Variants in ARFIP1 observed in about 807,000 individuals in gnomAD.
ARFIP1 encodes the protein arfaptin-1.
In ARFIP1, 24 loss-of-function variants were observed where a neutral mutation model predicts 42.5. The observed-to-expected ratio is 0.57, with a 90% CI of 0.41 to 0.80. The LOEUF (loss-of-function observed/expected upper bound fraction) is 0.80, where lower values mean the gene tolerates loss of function less well. ARFIP1 is among the 30% of genes least tolerant of loss of function. The pLI is 0.00. For synonymous variants in ARFIP1, 141 were observed against 153.7 expected, an observed-to-expected ratio of 0.92 and a Z score of 0.61; for missense variants, 354 against 434.0, an observed-to-expected ratio of 0.82 and a Z score of 1.64.
chr4:152,822,218 A>T (rs1730427214), intron 1 of ARFIP1, among the ~76,000 whole-genome samples: 1 of 149,948 alleles, frequency 6.7e-6, no homozygotes, highest in Non-Finnish European at 1.5e-5. Context: ...ATGGAAAAAG[A>T]TTTCGCACAA....
chr4:152,841,324 G>A (rs763666960), intron 2 of ARFIP1, among the ~76,000 whole-genome samples: 13 of 152,126 alleles, frequency 8.5e-5, no homozygotes, highest in East Asian at 1.9e-4. Context: ...ATGAGCCACC[G>A]TGCCAGGCCA....
In ARFIP1 at chr4:152,819,601, A is replaced by G. The variant is rs557398518; in HGVS notation, c.-9-10024A>G. Among the ~76,000 whole-genome samples, 3 of 152,240 alleles carry G rather than the reference A, an allele frequency of 2.0e-5. No homozygotes were observed. The East Asian group carries it at 5.8e-4, about 29-fold the overall frequency. On this transcript the variant is annotated intron_variant, in intron 1 of 8. Transcript: ENST00000353617. Reference sequence around the variant, plus strand: ...ACAGTATGGGCCCTCAGCGACTGCTACTCCTAGGGGAAGGGAGTGAGTGAG... The same window carrying G: ...ACAGTATGGGCCCTCAGCGACTGCTGCTCCTAGGGGAAGGGAGTGAGTGAG...
At chr4:152,853,992 A>AACCTC (rs1733217068) in intron 2 of ARFIP1, among the ~76,000 whole-genome samples, 1 of 147,580 alleles carries the variant, frequency 6.8e-6, no homozygotes, top group Admixed American at 6.8e-5. Context: ...GGCTCACTGA[A>AACCTC]ACCTCCACCT....
chr4:152,814,355 A>T (rs147314149), intron 1 of ARFIP1, among the ~76,000 whole-genome samples: 1 of 152,002 alleles, frequency 6.6e-6, no homozygotes, highest in African/African-American at 2.4e-5. Context: ...CAGCCTACCA[A>T]AGTGCTGGGA....
Position 152,881,002 on chromosome 4 carries a change from T to A in ARFIP1, c.451T>A (p.Ser151Thr). The A allele has an allele frequency of 6.2e-7, 1 of 1,613,904 alleles. No individual in the cohort carries two copies. Among genetic ancestry groups the A allele is most frequent in the African/African-American group, 1.3e-5 (1 of 75,056 alleles). ...QIISEKLGRG[S>T]RTVDLELEAQ... ...TATCTCTGAGAAGCTAGGCCGTGGC[T>A]CAAGAACTGTGGACCTTGAACTTGA... The change falls in exon 6 of 9, where the codon TCA (serine) becomes ACA (threonine). Residue 151 changes from serine (S) to threonine (T), a missense_variant. Physicochemically the swap from Ser to Thr is moderately conservative, Grantham distance 58. Coordinates refer to ENST00000353617, the MANE Select transcript of ARFIP1 (RefSeq NM_001025595.3).
At position 152,781,245 on chromosome 4, in the gene ARFIP1, T is replaced by G. The variant is rs980336524; in HGVS notation, c.-10+1019T>G. 1.3e-3 allele frequency among the ~76,000 whole-genome samples: 188 copies of G among 147,180 alleles called. 1 individual carries two copies. Among genetic ancestry groups the G allele is most frequent in the African/African-American group, 4.6e-3 (183 of 40,146 alleles). On this transcript the variant is annotated intron_variant, in intron 1 of 8. Coordinates refer to ENST00000353617, the MANE Select transcript of ARFIP1 (RefSeq NM_001025595.3). Reference sequence around the variant, plus strand: ...GCCTTTTCTTTTTTCTTTTTTTTTTTTTTTTTTTGAGACAGAGTCTCACTC... The same window carrying G: ...GCCTTTTCTTTTTTCTTTTTTTTTTGTTTTTTTTGAGACAGAGTCTCACTC...
intron 1 of ARFIP1, among the ~76,000 whole-genome samples, chr4:152,783,369 C>G (rs1730616161): frequency 6.6e-6 from 1 of 152,200 alleles, no homozygotes; most frequent in Non-Finnish European, 1.5e-5. Context: ...AAGGTAATGA[C>G]AAATTCGGAA....
intron 4 of ARFIP1, 99 bp downstream of exon 4, chr4:152,870,947 G>A: frequency 2.1e-6 from 2 of 971,358 alleles, no homozygotes; most frequent in South Asian, 2.0e-5. Flanking sequence ...TCTTAGGTGT[G>A]TGTGATTCTG....
intron 1 of ARFIP1, among the ~76,000 whole-genome samples, chr4:152,819,774 ACAGT>A (rs1243293662): frequency 1.3e-5 from 2 of 152,174 alleles, no homozygotes; most frequent in East Asian, 1.9e-4. Flanking sequence ...CTCTACCTCA[ACAGT>A]CAGGCAGCCC....
chr4:152,866,276 A>G (rs974502825), intron 3 of ARFIP1, among the ~76,000 whole-genome samples: 3 of 152,242 alleles, frequency 2.0e-5, no homozygotes, highest in Non-Finnish European at 4.4e-5. Flanking sequence ...TTCTTTCTAC[A>G]CAGACACAGC....
At chr4:152,896,077 G>T (rs901751482) in intron 8 of ARFIP1, among the ~76,000 whole-genome samples, 8 of 151,982 alleles carry the variant, frequency 5.3e-5, no homozygotes, top group African/African-American at 1.5e-4. Flanking sequence ...GAGGGGCTGG[G>T]GTATCATGGA....
At chr4:152,866,672 C>T (rs1411369054) in intron 3 of ARFIP1, among the ~76,000 whole-genome samples, 1 of 152,008 alleles carries the variant, frequency 6.6e-6, no homozygotes, top group Admixed American at 6.5e-5. Context: ...GGGTGGCTGC[C>T]AGGCGGAGAC....
At chr4:152,888,933 A>G (rs1273983658) in intron 8 of ARFIP1, among the ~76,000 whole-genome samples, 2 of 152,158 alleles carry the variant, frequency 1.3e-5, no homozygotes, top group South Asian at 2.1e-4. Flanking sequence ...ACATATCTCT[A>G]TTACTTGCAT....
chr4:152,910,008 C>T (rs1738705940), intron 8 of ARFIP1, 56 bp from the exon 9 acceptor site: 1 of 1,559,968 alleles, frequency 6.4e-7, no homozygotes, highest in Non-Finnish European at 8.7e-7. Context: ...AAATCACTCT[C>T]TATTTTATTG....
chr4:152,823,726 G>A (rs1030240288), intron 1 of ARFIP1, among the ~76,000 whole-genome samples: 1 of 124,510 alleles, frequency 8.0e-6, no homozygotes, highest in Non-Finnish European at 1.6e-5. Context: ...CCAGTGAGCC[G>A]AGATCACACC....
At position 152,912,147 on chromosome 4, in the gene ARFIP1, A is replaced by AT. The variant is rs1738894741; in HGVS notation, c.*1935dup. On this transcript the variant is annotated 3_prime_UTR_variant, in exon 9 of 9. Coordinates refer to ENST00000353617, the MANE Select transcript of ARFIP1 (RefSeq NM_001025595.3). Reference sequence around the variant, plus strand: ...AGGAGCTAAATAGTTTCATGGATTAATTTTTTTCAGAATAAATTTAAAATA... The same window carrying AT: ...AGGAGCTAAATAGTTTCATGGATTAATTTTTTTTCAGAATAAATTTAAAATA... The AT allele has an allele frequency of 6.6e-6, 1 of 152,080 alleles. No individual in the cohort carries two copies. Among genetic ancestry groups the AT allele is most frequent in the Admixed American group, 6.5e-5 (1 of 15,272 alleles). 9.4% of individuals were successfully genotyped at this position (152,080 alleles called of 1,614,324 possible).
chr4:152,889,539 C>CTATATATATATATATA (rs1736564759), intron 8 of ARFIP1, among the ~76,000 whole-genome samples: 1 of 55,884 alleles, frequency 1.8e-5, no homozygotes, highest in Non-Finnish European at 3.8e-5. Flanking sequence ...ATATATACAC[C>CTATATATATATATATA]TATTTTTGTG....
At chr4:152,907,091 T>C (rs1738422911) in intron 8 of ARFIP1, among the ~76,000 whole-genome samples, 1 of 152,212 alleles carries the variant, frequency 6.6e-6, no homozygotes, top group Non-Finnish European at 1.5e-5. Flanking sequence ...GATGTTTCTC[T>C]TTCTTCCCTC....
chr4:152,902,913 A>T (rs1453482843), intron 8 of ARFIP1, among the ~76,000 whole-genome samples: 1 of 152,240 alleles, frequency 6.6e-6, no homozygotes, highest in Non-Finnish European at 1.5e-5. Flanking sequence ...TAAACCAAGT[A>T]AGCCAAATAA....
Sources: allele counts gnomAD v4.1 joint callset (sites outside exome capture counted in the v4.1 genomes callset), GRCh38; gene constraint gnomAD v4.1.1; transcripts MANE v1.5; gene names NCBI Gene and HGNC (gene_info 2026-07-23, HGNC 2026-07-21).